Variants in RBFOX1 observed in about 807,000 individuals in gnomAD.
RBFOX1 encodes the protein RNA binding protein fox-1 homolog 1.
RBFOX1 carries 8 observed loss-of-function variants against 57.7 expected under a neutral mutation model. The ratio of observed to expected loss-of-function variants is 0.14; its 90% CI spans 0.08 to 0.25. The LOEUF (loss-of-function observed/expected upper bound fraction) is 0.25. RBFOX1 is among the 10% of genes least tolerant of loss of function. RBFOX1 has a pLI of 1.00. For synonymous variants in RBFOX1, 326 were observed against 222.4 expected, an observed-to-expected ratio of 1.47 and a Z score of -4.15; for missense variants, 611 against 548.5, an observed-to-expected ratio of 1.11 and a Z score of -1.14.
At chr16:7,207,910 G>C (rs911950894) in intron 4 of RBFOX1, among the ~76,000 whole-genome samples, 3 of 152,126 alleles carry the variant, frequency 2.0e-5, no homozygotes, top group African/African-American at 2.4e-5. Context: ...AACTCCACAG[G>C]GTGCATCCTC....
chr16:5,648,897 C>G (rs1596581760), intron 3 of RBFOX1, among the ~76,000 whole-genome samples: 1 of 152,064 alleles, frequency 6.6e-6, no homozygotes, highest in East Asian at 2.0e-4. Context: ...AACCCCATGT[C>G]TACTAAAAAT....
chr16:6,038,544 A>G (rs1163586914), intron 1 of RBFOX1: 2 of 146,032 alleles, frequency 1.4e-5, no homozygotes, highest in African/African-American at 2.5e-5. Context: ...ATATATATAT[A>G]TATATATCAT....
intron 2 of RBFOX1, among the ~76,000 whole-genome samples, chr16:6,567,974 C>G (rs567881892): frequency 6.6e-6 from 1 of 152,114 alleles, no homozygotes; most frequent in Non-Finnish European, 1.5e-5. Context: ...GCGCATGCCA[C>G]CATGCCAGGC....
intron 4 of RBFOX1, among the ~76,000 whole-genome samples, chr16:5,948,777 A>G (rs2059456909): frequency 6.6e-6 from 1 of 152,146 alleles, no homozygotes; most frequent in South Asian, 2.1e-4. Flanking sequence ...GTGAGAGAAT[A>G]ATCTCCTGTT....
chr16:6,635,350 TAA>T (rs2098423062), intron 2 of RBFOX1, among the ~76,000 whole-genome samples: 1 of 152,066 alleles, frequency 6.6e-6, no homozygotes, highest in African/African-American at 2.4e-5. Flanking sequence ...AAATGCCCTG[TAA>T]ATATAAGTAC....
intron 2 of RBFOX1, among the ~76,000 whole-genome samples, chr16:6,571,763 C>T (rs1379365275): frequency 6.6e-6 from 1 of 152,086 alleles, no homozygotes; most frequent in East Asian, 1.9e-4. Flanking sequence ...AGTTCTGGGC[C>T]TGCTGCAGCC....
At chr16:6,315,039 T>C (rs1327873581) in intron 1 of RBFOX1, among the ~76,000 whole-genome samples, 1 of 152,210 alleles carries the variant, frequency 6.6e-6, no homozygotes, top group Non-Finnish European at 1.5e-5. Flanking sequence ...TTCCTGACAT[T>C]TAGAAGGCTT....
At chr16:7,567,521 A>G (rs2092120128) in intron 5 of RBFOX1, among the ~76,000 whole-genome samples, 2 of 122,372 alleles carry the variant, frequency 1.6e-5, no homozygotes, top group African/African-American at 3.0e-5. Context: ...CCCTATATAT[A>G]TATCCCTATG....
Position 5,913,324 on chromosome 16 carries a change from C to T in RBFOX1, c.351+45989C>T, listed in dbSNP as rs115928854. 1.7e-3 allele frequency among the ~76,000 whole-genome samples: 266 copies of T among 152,264 alleles called. 1 individual carries two copies. The highest frequency in any genetic ancestry group is 6.1e-3 in the African/African-American group (253 of 41,548). ...GTTGATATGATTTGAATATTCATCC[C>T]CTCCAAATCTCATTCGGAAATGTGA... On this transcript the variant is annotated intron_variant, in intron 4 of 19. Coordinates refer to the RBFOX1 transcript ENST00000641259.
At chr16:5,583,472 T>G (rs1288409768) in intron 2 of RBFOX1, among the ~76,000 whole-genome samples, 3 of 152,230 alleles carry the variant, frequency 2.0e-5, no homozygotes, top group African/African-American at 7.2e-5. Context: ...TCGCTTCTGA[T>G]TCCTGTACGT....
At chr16:7,247,785 A>T (rs2094359739) in intron 4 of RBFOX1, among the ~76,000 whole-genome samples, 2 of 152,180 alleles carry the variant, frequency 1.3e-5, no homozygotes, top group Non-Finnish European at 2.9e-5. Context: ...TAGGTATTTT[A>T]AAATGTGGTT....
chr16:6,496,466 G>A (rs537617088), intron 2 of RBFOX1, among the ~76,000 whole-genome samples: 78 of 152,254 alleles, frequency 5.1e-4, no homozygotes, highest in Middle Eastern at 3.4e-3. Flanking sequence ...TTTAATAGCC[G>A]TGTTGTGGTC....
chr16:5,919,665 T>A (rs188300774), intron 4 of RBFOX1, among the ~76,000 whole-genome samples: 2 of 152,052 alleles, frequency 1.3e-5, no homozygotes, highest in Non-Finnish European at 2.9e-5. Context: ...AGCGTATAAT[T>A]CCATGGTATT....
chr16:7,416,384 G>T (rs183702767), intron 4 of RBFOX1, among the ~76,000 whole-genome samples: 2 of 152,156 alleles, frequency 1.3e-5, no homozygotes, highest in East Asian at 3.9e-4. Flanking sequence ...ATTCCCTGTA[G>T]TTCTTCTCTC....
At chr16:6,727,386 C>T (rs539950972) in intron 3 of RBFOX1, among the ~76,000 whole-genome samples, 1 of 151,872 alleles carries the variant, frequency 6.6e-6, no homozygotes, top group Non-Finnish European at 1.5e-5. Flanking sequence ...TCCAGGTTCT[C>T]ATTAGTCTTC....
chr16:5,665,954 G>T (rs2049830850), intron 3 of RBFOX1, among the ~76,000 whole-genome samples: 1 of 152,246 alleles, frequency 6.6e-6, no homozygotes, highest in African/African-American at 2.4e-5. Context: ...AAGCAGAGCT[G>T]ACGAAATGTC....
chr16:6,716,302 C>G (rs562291548), intron 3 of RBFOX1, among the ~76,000 whole-genome samples: 1 of 152,144 alleles, frequency 6.6e-6, no homozygotes, highest in Non-Finnish European at 1.5e-5. Context: ...AAACAACTTC[C>G]GATCCCTTCT....
At chr16:7,671,529 A>AAAAC (rs1568384337) in intron 13 of RBFOX1, 3 of 1,582,546 alleles carry the variant, frequency 1.9e-6, no homozygotes, top group African/African-American at 2.7e-5. Context: ...TTTTGCATTG[A>AAAAC]AAACATTACA....
intron 4 of RBFOX1, among the ~76,000 whole-genome samples, chr16:7,262,141 A>T (rs2094941927): frequency 6.6e-6 from 1 of 151,598 alleles, no homozygotes; most frequent in Non-Finnish European, 1.5e-5. Flanking sequence ...TAGTAAGTGA[A>T]AGGTAAATAT....
Sources: allele counts gnomAD v4.1 joint callset (sites outside exome capture counted in the v4.1 genomes callset), GRCh38; gene constraint gnomAD v4.1.1; transcripts MANE v1.5; gene names NCBI Gene and HGNC (gene_info 2026-07-23, HGNC 2026-07-21).